EYS: variants seen among roughly 807,000 people sequenced by gnomAD.
EYS encodes EGF-like photoreceptor maintenance factor.
A neutral mutation model predicts 282.1 loss-of-function variants in EYS; 250 were observed. The observed-to-expected ratio is 0.89, with a 90% CI of 0.80 to 0.98. The LOEUF is 0.98. Among genes scored for constraint, EYS ranks in the 50% least tolerant of loss-of-function variants. The pLI is 0.00. For synonymous variants in EYS, 1,355 were observed against 1,282.9 expected (o/e 1.06, Z -1.20); for missense variants, 4,016 against 3,709.0 (o/e 1.08, Z -2.15).
intron 22 of EYS, among the ~76,000 whole-genome samples, chr6:64,728,378 A>G (rs1771834160): frequency 6.6e-6 from 1 of 151,972 alleles, no homozygotes. Context: ...TCTGTCGCCC[A>G]GGCTGGAGTG....
intron 24 of EYS, among the ~76,000 whole-genome samples, chr6:64,612,426 T>A (rs1767142530): frequency 6.6e-6 from 1 of 152,108 alleles, no homozygotes; most frequent in Admixed American, 6.6e-5. Context: ...AGAATGATCA[T>A]TTTTCTTGAA....
At chr6:65,181,649 G>A (rs1765387650) in intron 12 of EYS, among the ~76,000 whole-genome samples, 1 of 152,132 alleles carries the variant, frequency 6.6e-6, no homozygotes, top group South Asian at 2.1e-4. Flanking sequence ...AATCAGTGTG[G>A]CGATTCCTTA....
intron 13 of EYS, among the ~76,000 whole-genome samples, chr6:65,016,786 A>G (rs1183172765): frequency 6.6e-6 from 1 of 152,216 alleles, no homozygotes; most frequent in South Asian, 2.1e-4. Context: ...CATATTAAAG[A>G]TAAGTCCTAA....
intron 22 of EYS, among the ~76,000 whole-genome samples, chr6:64,779,694 G>T (rs1228965153): frequency 6.6e-6 from 1 of 152,114 alleles, no homozygotes; most frequent in African/African-American, 2.4e-5. Flanking sequence ...TCCCATGAAT[G>T]CAAGATGTTG....
At chr6:64,641,735 G>A (rs904347928) in intron 22 of EYS, among the ~76,000 whole-genome samples, 22 of 152,198 alleles carry the variant, frequency 1.4e-4, no homozygotes, top group African/African-American at 5.3e-4. Flanking sequence ...AGCAGGAGGT[G>A]AGCGGTGGGT....
rs139516954 is a variant in EYS, at chr6:64,456,470, T to C, written c.5645-17118A>G. On this transcript the variant is annotated intron_variant, in intron 26 of 42. Transcript: ENST00000503581. ...TTATGTTGTTTACCAATTACATATA[T>C]GGGATCTTGAAGAAATCTTTTAACC... is the stretch of plus-strand genomic sequence containing the variant. Among the ~76,000 whole-genome samples, 746 of 152,198 alleles carry C rather than the reference T, an allele frequency of 4.9e-3. 3 individuals are homozygous for C. Among genetic ancestry groups the C allele is most frequent in the Non-Finnish European group, 8.7e-3 (592 of 67,940 alleles).
intron 1 of EYS, among the ~76,000 whole-genome samples, chr6:65,653,117 T>A (rs1205895864): frequency 6.6e-6 from 1 of 151,862 alleles, no homozygotes; most frequent in African/African-American, 2.4e-5. Context: ...ACTACCTAAT[T>A]CAGAGAGAAA....
At position 63,720,413 on chromosome 6, in the gene EYS, T is replaced by C. The variant is rs1470683799; in HGVS notation, c.*183A>G. 59 of 522,648 alleles carry C rather than the reference T, an allele frequency of 1.1e-4. No homozygotes were observed. In the East Asian group the frequency reaches 1.8e-3, roughly 16 times the overall value. The allele number at this position is 522,648 out of a possible 1,614,324, so 32.4% of individuals were successfully genotyped here. On this transcript the variant is annotated 3_prime_UTR_variant, in exon 43 of 43. Transcript: ENST00000503581. ...TCAAAATATATACAGATAAATTAGA[T>C]GTAGGAAAAACAATCAGAACCTTCA... is the stretch of plus-strand genomic sequence containing the variant.
chr6:64,473,753 G>A lies in EYS; in HGVS notation c.5645-34401C>T, dbSNP rs545273490. Among the ~76,000 whole-genome samples, 5 of 152,198 alleles carry A rather than the reference G, an allele frequency of 3.3e-5. No individual in the cohort carries two copies. In the East Asian group the frequency reaches 7.7e-4, roughly 24 times the overall value. ...AAGATCTCTGGGACTCCCACTTTGGGACTCACGGATCACCAGCCAGAATGG... is the reference window on the plus strand; with the variant it reads ...AAGATCTCTGGGACTCCCACTTTGGAACTCACGGATCACCAGCCAGAATGG... On this transcript the variant is annotated intron_variant, in intron 26 of 42. Transcript: ENST00000503581.
chr6:64,036,672 C>T (rs1486636567), intron 33 of EYS, among the ~76,000 whole-genome samples: 1 of 152,042 alleles, frequency 6.6e-6, no homozygotes, highest in African/African-American at 2.4e-5. Context: ...TAAGGAGTAA[C>T]AAAAACTTGG....
intron 26 of EYS, among the ~76,000 whole-genome samples, chr6:64,506,270 A>G (rs1777203063): frequency 6.6e-6 from 1 of 152,192 alleles, no homozygotes; most frequent in Non-Finnish European, 1.5e-5. Context: ...ATTATGAAAG[A>G]GACATATATT....
intron 5 of EYS, among the ~76,000 whole-genome samples, chr6:65,488,333 A>G (rs1765890961): frequency 6.6e-6 from 1 of 152,148 alleles, no homozygotes. Flanking sequence ...TTCCCTCTAC[A>G]CACTGCTTTC....
intron 22 of EYS, among the ~76,000 whole-genome samples, chr6:64,797,739 A>C (rs1040496826): frequency 2.5e-4 from 38 of 152,028 alleles, no homozygotes; most frequent in African/African-American, 8.4e-4. Context: ...TTAATAAGAC[A>C]TTTAAAATAG....
chr6:64,151,346 TATA>T (rs1774718596), intron 31 of EYS, among the ~76,000 whole-genome samples: 1 of 116,568 alleles, frequency 8.6e-6, no homozygotes, highest in African/African-American at 3.8e-5. Context: ...TATATATATA[TATA>T]TATATATATA....
chr6:64,438,563 G>T (rs1270826667), intron 27 of EYS, among the ~76,000 whole-genome samples: 1 of 151,244 alleles, frequency 6.6e-6, no homozygotes, highest in Non-Finnish European at 1.5e-5. Flanking sequence ...TGCCCTTAAG[G>T]TTATAAAAAT....
At chr6:64,038,800 CT>C (rs1192538268) in intron 33 of EYS, among the ~76,000 whole-genome samples, 1 of 150,792 alleles carries the variant, frequency 6.6e-6, no homozygotes, top group African/African-American at 2.4e-5. Context: ...TTTTCTTTTT[CT>C]TTCTTTCTTT....
intron 26 of EYS, among the ~76,000 whole-genome samples, chr6:64,584,270 T>A (rs998176148): frequency 6.6e-6 from 1 of 152,028 alleles, no homozygotes; most frequent in Non-Finnish European, 1.5e-5. Flanking sequence ...GGTGTGCATG[T>A]ATACATGTAT....
intron 22 of EYS, among the ~76,000 whole-genome samples, chr6:64,633,918 C>A (rs1456043959): frequency 6.6e-6 from 1 of 152,126 alleles, no homozygotes; most frequent in South Asian, 2.1e-4. Context: ...GCCAGCACCA[C>A]CCAGACAAGC....
At chr6:64,113,756 A>G (rs1311336723) in intron 31 of EYS, among the ~76,000 whole-genome samples, 2 of 152,176 alleles carry the variant, frequency 1.3e-5, no homozygotes, top group African/African-American at 4.8e-5. Flanking sequence ...CGTATTTTAA[A>G]TGTTATAATG....
Sources: allele counts gnomAD v4.1 joint callset (sites outside exome capture counted in the v4.1 genomes callset), GRCh38; gene constraint gnomAD v4.1.1; transcripts MANE v1.5; gene names NCBI Gene and HGNC (gene_info 2026-07-23, HGNC 2026-07-21).